Variants in EYA4 observed in about 807,000 individuals in gnomAD.
EYA4 encodes EYA transcriptional coactivator and phosphatase 4.
Under a neutral mutation model 87.9 loss-of-function variants are expected in EYA4, and 31 were observed. The ratio of observed to expected loss-of-function variants is 0.35; its 90% CI spans 0.27 to 0.48. The LOEUF (loss-of-function observed/expected upper bound fraction) is 0.48. Ranked by LOEUF, EYA4 falls within the 20% of genes least tolerant of loss-of-function variation. The pLI is 0.99. For synonymous variants in EYA4, 263 were observed against 270.6 expected, an observed-to-expected ratio of 0.97 and a Z score of 0.28; for missense variants, 678 against 761.4, an observed-to-expected ratio of 0.89 and a Z score of 1.29.
chr6:133,445,056 C>A (rs1234472922), intron 3 of EYA4, among the ~76,000 whole-genome samples: 1 of 151,982 alleles, frequency 6.6e-6, no homozygotes, highest in Non-Finnish European at 1.5e-5. Context: ...TAATTGAATT[C>A]TTTAAAATGC....
chr6:133,425,261 G>C (rs897283027), intron 3 of EYA4, among the ~76,000 whole-genome samples: 1 of 150,816 alleles, frequency 6.6e-6, no homozygotes, highest in Admixed American at 6.6e-5. Context: ...GGGACAGGAC[G>C]TGCATAGGTA....
At chr6:133,521,971 G>A (rs1304495962) in intron 17 of EYA4, among the ~76,000 whole-genome samples, 2 of 106,658 alleles carry the variant, frequency 1.9e-5, no homozygotes, top group Admixed American at 9.8e-5. Flanking sequence ...GTTGTGGGGT[G>A]GGGGGAGGGG....
At position 133,512,987 on chromosome 6, in the gene EYA4, C is replaced by G. The variant is rs868828420; in HGVS notation, c.1450C>G (p.Arg484Gly). 6.2e-7 allele frequency: 1 copy of G among 1,614,036 alleles called. No individual in the cohort carries two copies. The highest frequency in any genetic ancestry group is 8.5e-7 in the Non-Finnish European group (1 of 1,179,978). ...TGACTGGATGAGGAAGTTGGCTTTT[C>G]GTTACAGAAGAGTAAAAGAATTATA... Reference protein sequence around the residue: ...GVDWMRKLAFRYRRVKELYNT... With the variant: ...GVDWMRKLAFGYRRVKELYNT... The change falls in exon 16 of 20, where the codon CGT (arginine) becomes GGT (glycine). Residue 484 changes from arginine to glycine, a missense_variant. Transcript: ENST00000355286.
intron 2 of EYA4, among the ~76,000 whole-genome samples, chr6:133,280,799 C>T (rs952534205): frequency 7.2e-5 from 11 of 152,230 alleles, no homozygotes; most frequent in African/African-American, 2.6e-4. Context: ...ACAATTATTA[C>T]CACAGTCAAT....
intron 1 of EYA4, among the ~76,000 whole-genome samples, chr6:133,255,813 C>T (rs868464829): frequency 6.6e-6 from 1 of 151,950 alleles, no homozygotes; most frequent in Non-Finnish European, 1.5e-5. Flanking sequence ...CTGTTCCCCT[C>T]TTGGTGTATG....
At chr6:133,317,749 G>A (rs1780738314) in intron 2 of EYA4, among the ~76,000 whole-genome samples, 1 of 151,724 alleles carries the variant, frequency 6.6e-6, no homozygotes, top group African/African-American at 2.4e-5. Context: ...ATTTCTATAT[G>A]ATCATTCTCA....
intron 2 of EYA4, among the ~76,000 whole-genome samples, chr6:133,302,022 AG>A (rs1469466840): frequency 2.0e-5 from 3 of 152,190 alleles, no homozygotes; most frequent in Admixed American, 1.3e-4. Flanking sequence ...GAAAGGGAGA[AG>A]GGTATTCCAG....
At chr6:133,405,186 G>T (rs993676231) in intron 3 of EYA4, among the ~76,000 whole-genome samples, 31 of 152,024 alleles carry the variant, frequency 2.0e-4, no homozygotes, top group Admixed American at 2.0e-3. Flanking sequence ...TCCCTAACTG[G>T]ACTTTGAGTT....
chr6:133,479,233 C>T (rs1042432773), intron 11 of EYA4, among the ~76,000 whole-genome samples: 1 of 152,046 alleles, frequency 6.6e-6, no homozygotes, highest in Non-Finnish European at 1.5e-5. Flanking sequence ...CATCTAAAGA[C>T]TAATTTAATG....
chr6:133,336,124 T>C (rs997076015), intron 2 of EYA4, among the ~76,000 whole-genome samples: 1 of 152,166 alleles, frequency 6.6e-6, no homozygotes, highest in African/African-American at 2.4e-5. Flanking sequence ...TCACCATTTT[T>C]GCAGTTCCCA....
At chr6:133,402,227 G>A (rs868374786) in intron 3 of EYA4, among the ~76,000 whole-genome samples, 9 of 151,754 alleles carry the variant, frequency 5.9e-5, no homozygotes, top group African/African-American at 2.2e-4. Context: ...AAATTAACAC[G>A]TACAGCTACC....
In EYA4 at chr6:133,312,325, C is replaced by T. The variant is rs112851955; in HGVS notation, c.33+37512C>T. On this transcript the variant is annotated intron_variant, in intron 2 of 19. Transcript: ENST00000355286. ...TTGGGTGGATCTTGGCAAACATTAACATTTGGAGAGGTTCAAGTCTTGGTG... is the reference window on the plus strand; with the variant it reads ...TTGGGTGGATCTTGGCAAACATTAATATTTGGAGAGGTTCAAGTCTTGGTG... 5.5e-4 allele frequency among the ~76,000 whole-genome samples: 84 copies of T among 151,386 alleles called. No homozygotes were observed. The Middle Eastern group carries it at 0.014, about 25-fold the overall frequency.
intron 2 of EYA4, among the ~76,000 whole-genome samples, chr6:133,288,100 C>T (rs75135276): frequency 0.018 from 2,692 of 152,146 alleles, 66 homozygotes; most frequent in East Asian, 0.072. Flanking sequence ...CTGCACTGCA[C>T]TCCAGCCTGG....
chr6:133,284,981 GTTTT>G (rs1419438765), intron 2 of EYA4, among the ~76,000 whole-genome samples: 2 of 143,460 alleles, frequency 1.4e-5, no homozygotes, highest in Admixed American at 7.1e-5. Context: ...GACAGCTGTG[GTTTT>G]TTGTTTTTTT....
rs891646441 is a variant in EYA4 at position 133,246,118 on chromosome 6, T to C, written c.-66+4369T>C. ...AGTGATTTGAGACAGTTTCAGAGAG[T>C]GCACCTCTGAGTCTCACTGTAACCT... On this transcript the variant is annotated intron_variant, in intron 1 of 19. Coordinates refer to ENST00000355286, the MANE Select transcript of EYA4 (RefSeq NM_004100.5). Among the ~76,000 whole-genome samples, 3 of 152,290 alleles carry C rather than the reference T, an allele frequency of 2.0e-5. No homozygotes were observed. The East Asian group carries it at 5.8e-4, about 29-fold the overall frequency.
intron 2 of EYA4, among the ~76,000 whole-genome samples, chr6:133,364,254 A>G (rs1012099520): frequency 3.9e-5 from 6 of 152,196 alleles, no homozygotes; most frequent in African/African-American, 1.4e-4. Flanking sequence ...CAACTGGAAG[A>G]TTATAAACTC....
In EYA4 at chr6:133,318,882, G is replaced by A. The variant is rs148773836; in HGVS notation, c.33+44069G>A. On this transcript the variant is annotated intron_variant, in intron 2 of 19. Transcript: ENST00000355286. ...CCTTTGTACTATTCATGGTTTTTAC[G>A]CACGCACTATATTAATGCGATGATC... Among the ~76,000 whole-genome samples, 73 of 152,080 alleles carry A rather than the reference G, an allele frequency of 4.8e-4. No individual in the cohort carries two copies. The Middle Eastern group carries it at 0.014, about 28-fold the overall frequency.
chr6:133,291,955 G>A (rs559633445), intron 2 of EYA4, among the ~76,000 whole-genome samples: 48 of 149,960 alleles, frequency 3.2e-4, no homozygotes, highest in African/African-American at 9.8e-4. Context: ...TCCTTTTTTC[G>A]TTTGTTTGCT....
intron 18 of EYA4, 50 bp from the exon 19 acceptor site, chr6:133,525,104 G>A (rs760603670): frequency 3.7e-6 from 6 of 1,613,618 alleles, no homozygotes; most frequent in Non-Finnish European, 5.1e-6. Flanking sequence ...TGAGGAGCAT[G>A]CCGCTAACCA....
Sources: allele counts gnomAD v4.1 joint callset (sites outside exome capture counted in the v4.1 genomes callset), GRCh38; gene constraint gnomAD v4.1.1; transcripts MANE v1.5; gene names NCBI Gene and HGNC (gene_info 2026-07-23, HGNC 2026-07-21).